The following ADAM23 variants were observed in gnomAD, a reference collection of about 807,000 sequenced individuals.
ADAM23 encodes ADAM metallopeptidase domain 23.
Under a neutral mutation model 120.1 loss-of-function variants are expected in ADAM23, and 33 were observed. The ratio of observed to expected loss-of-function variants is 0.27; its 90% CI spans 0.21 to 0.37. ADAM23 has a LOEUF of 0.37. ADAM23 is among the 10% of genes least tolerant of loss of function. ADAM23 has a pLI of 1.00. For synonymous variants in ADAM23, 367 were observed against 375.2 expected (o/e 0.98, Z 0.25); for missense variants, 862 against 1,058.2 (o/e 0.81, Z 2.57).
At chr2:206,482,331 G>A (rs1695914560) in intron 3 of ADAM23, among the ~76,000 whole-genome samples, 1 of 152,194 alleles carries the variant, frequency 6.6e-6, no homozygotes, top group Non-Finnish European at 1.5e-5. Context: ...GTTTCACCAT[G>A]CTGTGTCAGC....
At chr2:206,585,879 A>G (rs2105843961) in intron 18 of ADAM23, among the ~76,000 whole-genome samples, 1 of 152,348 alleles carries the variant, frequency 6.6e-6, no homozygotes, top group Middle Eastern at 3.4e-3. Flanking sequence ...AAATAAATAA[A>G]AAGCCCTTAA....
chr2:206,589,284 A>G (rs1301813157), intron 20 of ADAM23, 125 bp from the exon 21 acceptor site: 6 of 710,830 alleles, frequency 8.4e-6, no homozygotes, highest in Non-Finnish European at 1.3e-5. Context: ...TGCAAATGCT[A>G]CAAATCAGGA....
chr2:206,457,260 G>A (rs1695319394), intron 2 of ADAM23, among the ~76,000 whole-genome samples: 1 of 152,192 alleles, frequency 6.6e-6, no homozygotes, highest in Non-Finnish European at 1.5e-5. Context: ...TAACTGCCAA[G>A]ATGATTATTA....
chr2:206,600,423 CT>C, intron 24 of ADAM23, among the ~76,000 whole-genome samples: 1 of 152,152 alleles, frequency 6.6e-6, no homozygotes, highest in Non-Finnish European at 1.5e-5. Flanking sequence ...TTTCAATGTG[CT>C]TCCATTATAT....
chr2:206,509,574 G>A (rs1006092101), intron 3 of ADAM23, among the ~76,000 whole-genome samples: 5 of 151,972 alleles, frequency 3.3e-5, no homozygotes, highest in African/African-American at 7.2e-5. Flanking sequence ...TCAGCCTCTC[G>A]AGTAGCTGCG....
At chr2:206,529,535 A>AC (rs1697009145) in intron 3 of ADAM23, among the ~76,000 whole-genome samples, 1 of 151,982 alleles carries the variant, frequency 6.6e-6, no homozygotes, top group African/African-American at 2.4e-5. Context: ...AGTAGTTGGG[A>AC]CCACAGGTGC....
intron 13 of ADAM23, 54 bp from the exon 14 acceptor site, chr2:206,564,966 T>C: frequency 3.1e-6 from 5 of 1,593,896 alleles, no homozygotes; most frequent in Non-Finnish European, 4.3e-6. Flanking sequence ...AAAAAATATG[T>C]GACTTTCTTT....
intron 20 of ADAM23, among the ~76,000 whole-genome samples, chr2:206,588,849 T>A (rs537544088): frequency 4.6e-5 from 7 of 152,244 alleles, no homozygotes; most frequent in Non-Finnish European, 1.0e-4. Context: ...TTTTAGAGTT[T>A]GGCAAATATC....
Position 206,489,698 on chromosome 2 carries a change from C to A in ADAM23, c.509+8390C>A, listed in dbSNP as rs541484212. On this transcript the variant is annotated intron_variant, in intron 3 of 25. Transcript: ENST00000264377. ...TACTGCTGAGTAACATGCGGGCTGG[C>A]GAGATTCAGTCACATGCAGGGACTC... 3.1e-3 allele frequency among the ~76,000 whole-genome samples: 472 copies of A among 152,220 alleles called. 1 individual carries two copies. Among genetic ancestry groups the A allele is most frequent in the Non-Finnish European group, 5.7e-3 (390 of 68,002 alleles).
chr2:206,454,532 T>G (rs1695256376), intron 2 of ADAM23, among the ~76,000 whole-genome samples: 1 of 152,148 alleles, frequency 6.6e-6, no homozygotes, highest in South Asian at 2.1e-4. Context: ...AATCATACCT[T>G]CCAACAGTTC....
intron 4 of ADAM23, among the ~76,000 whole-genome samples, chr2:206,538,387 C>G (rs913762392): frequency 6.6e-6 from 1 of 151,962 alleles, no homozygotes; most frequent in Non-Finnish European, 1.5e-5. Context: ...TTTAGCATAT[C>G]CTAGTAGTTG....
intron 25 of ADAM23, among the ~76,000 whole-genome samples, chr2:206,610,666 C>T (rs769409431): frequency 2.6e-5 from 4 of 152,152 alleles, no homozygotes; most frequent in Admixed American, 6.5e-5. Flanking sequence ...GTTTGGATTG[C>T]ACACTGCTTA....
chr2:206,452,123 A>C (rs1470377091), intron 2 of ADAM23, among the ~76,000 whole-genome samples: 1 of 152,246 alleles, frequency 6.6e-6, no homozygotes, highest in Non-Finnish European at 1.5e-5. Context: ...TACAGGTAAG[A>C]TGTGGCTCCT....
rs1698961892 is a variant in ADAM23 at position 206,617,734 on chromosome 2, G to C, written c.*107G>C. 1.9e-6 allele frequency: 3 copies of C among 1,544,300 alleles called. No individual in the cohort carries two copies. The highest frequency in any genetic ancestry group is 2.6e-6 in the Non-Finnish European group (3 of 1,146,212). ...AAGTTTGTAAACAAAACCTTTGGGT[G>C]GTAATGACTACGGAGCTAAAGTTGG... On this transcript the variant is annotated 3_prime_UTR_variant, in exon 26 of 26. Transcript: ENST00000264377.
rs2359678 is a variant in ADAM23, at chr2:206,619,432, T to C, written c.*1805T>C. The C allele has an allele frequency of 1, 151,424 of 152,146 alleles. 75,356 individuals carry two copies. Among genetic ancestry groups the C allele is most frequent in the East Asian group, 1 (5,174 of 5,174 alleles). The allele number at this position is 152,146 out of a possible 1,614,324, so 9.4% of individuals were successfully genotyped here. ...CTTTGTTTTAATGTACAAACCGGTA[T>C]GTGATCACTTCAGTGAGCATCCCTC... On this transcript the variant is annotated 3_prime_UTR_variant, in exon 26 of 26. Transcript: ENST00000264377.
chr2:206,568,696 CAT>C (rs1210611595), intron 15 of ADAM23, among the ~76,000 whole-genome samples: 1 of 152,218 alleles, frequency 6.6e-6, no homozygotes, highest in Non-Finnish European at 1.5e-5. Context: ...GAAATTCTAA[CAT>C]GGCAAATTTC....
At position 206,459,039 on chromosome 2, in the gene ADAM23, G is replaced by C. The variant is rs570522828; in HGVS notation, c.432+13515G>C. 4.6e-5 allele frequency among the ~76,000 whole-genome samples: 7 copies of C among 152,288 alleles called. No individual in the cohort carries two copies. In the East Asian group the frequency reaches 1.3e-3, roughly 29 times the overall value. On this transcript the variant is annotated intron_variant, in intron 2 of 25. Coordinates refer to ENST00000264377, the MANE Select transcript of ADAM23 (RefSeq NM_003812.4). ...TTTGCGTCTTAACAGTCTTAACCAA[G>C]AAGAGTTAATACACTGATTCCCCTC...
intron 3 of ADAM23, among the ~76,000 whole-genome samples, chr2:206,506,909 A>G (rs1230207913): frequency 6.6e-6 from 1 of 152,204 alleles, no homozygotes; most frequent in African/African-American, 2.4e-5. Context: ...GTATTTGTCA[A>G]AATTAATTGT....
At chr2:206,541,037 C>A (rs1184126538) in intron 4 of ADAM23, among the ~76,000 whole-genome samples, 3 of 149,950 alleles carry the variant, frequency 2.0e-5, no homozygotes, top group Non-Finnish European at 4.4e-5. Context: ...GCATAGTTTT[C>A]TTGATTAAAA....
Sources: gnomAD v4.1 joint callset for allele counts (sites outside exome capture counted in the v4.1 genomes callset) on GRCh38, gnomAD v4.1.1 for gene constraint, MANE v1.5 for transcripts, NCBI Gene and HGNC (gene_info 2026-07-23, HGNC 2026-07-21) for gene names.